TAF1: variants seen among roughly 807,000 people sequenced by gnomAD.
The protein encoded by TAF1 is TATA-box binding protein associated factor 1.
TAF1 carries 2 observed loss-of-function variants against 138.5 expected under a neutral mutation model. The observed-to-expected ratio is 0.01, with a 90% confidence interval of 0.01 to 0.05. The LOEUF (loss-of-function observed/expected upper bound fraction) is 0.05. Among genes scored for constraint, TAF1 ranks in the 10% least tolerant of loss-of-function variants. TAF1 has a pLI of 1.00. For missense variants in TAF1, 709 were observed against 1,478.0 expected (o/e 0.48, Z 8.53); for synonymous variants, 437 against 503.2 (o/e 0.87, Z 1.76).
At chrX:71,454,966 C>A in intron 34 of TAF1, 109 bp downstream of exon 34, 1 of 1,175,894 alleles carries the variant, frequency 8.5e-7, no homozygotes, top group Non-Finnish European at 1.1e-6. Context: ...TCTGTCCTTC[C>A]TCTTCATATG....
intron 32 of TAF1, among the ~76,000 whole-genome samples, chrX:71,452,365 CT>C (rs1305979399): frequency 1.8e-5 from 2 of 109,934 alleles, no homozygotes; most frequent in Non-Finnish European, 3.8e-5. Flanking sequence ...GGCAGAGACG[CT>C]CCTCACCTCC....
At chrX:71,456,104 C>G (rs982185468) in intron 34 of TAF1, among the ~76,000 whole-genome samples, 1 of 111,685 alleles carries the variant, frequency 9.0e-6, no homozygotes, top group Non-Finnish European at 1.9e-5. Context: ...ACAGCTTCCA[C>G]AAGGTACTTT....
chrX:71,452,344 CG>C (rs2038036774), intron 32 of TAF1, among the ~76,000 whole-genome samples: 1 of 106,697 alleles, frequency 9.4e-6, no homozygotes, highest in African/African-American at 3.4e-5. Flanking sequence ...ACTTCTCAGA[CG>C]GGGCAGCCGG....
At chrX:71,456,701 G>GTTT (rs2038316350) in intron 34 of TAF1, among the ~76,000 whole-genome samples, 8 of 44,320 alleles carry the variant, frequency 1.8e-4, no homozygotes, top group African/African-American at 3.1e-4. Context: ...TTGAGACCGA[G>GTTT]TTTTGCTCTT....
chrX:71,500,799 AT>A lies in TAF1; in HGVS notation c.1367-27742del, dbSNP rs752093313. 4.5e-5 allele frequency among the ~76,000 whole-genome samples: 5 copies of A among 110,501 alleles called. No individual in the cohort carries two copies. In the Admixed American group the frequency reaches 4.8e-4, roughly 11 times the overall value. ...CCCAAAAGGCTGGGCGCGGTGGCTCATGCCTCTAATCCCAGCACTTTGGGAG... is the reference window on the plus strand; with the variant it reads ...CCCAAAAGGCTGGGCGCGGTGGCTCAGCCTCTAATCCCAGCACTTTGGGAG... On this transcript the variant is annotated intron_variant and NMD_transcript_variant, in intron 13 of 14. Coordinates refer to the TAF1 transcript ENST00000373775.
At chrX:71,432,743 A>G (rs2036952484) in intron 32 of TAF1, among the ~76,000 whole-genome samples, 1 of 111,856 alleles carries the variant, frequency 8.9e-6, no homozygotes, top group Admixed American at 9.5e-5. Flanking sequence ...TTGTGACTAT[A>G]TAGTCTCCAG....
intron 13 of TAF1, among the ~76,000 whole-genome samples, chrX:71,524,736 T>A (rs1033514017): frequency 2.8e-5 from 3 of 109,029 alleles, no homozygotes; most frequent in South Asian, 4.0e-4. Context: ...AGGTCAGGAA[T>A]TCAAGACCAG....
intron 20 of TAF1, 120 bp downstream of exon 20, chrX:71,393,114 T>C (rs1358836258): frequency 1.9e-6 from 2 of 1,074,105 alleles, no homozygotes; most frequent in African/African-American, 1.9e-5. Context: ...GTAAGCTAAG[T>C]CTTAGATATT....
rs370264521 is a variant in TAF1, at chrX:71,393,378, G to T, written c.3129G>T (p.Gly1043=). 3.3e-6 allele frequency: 4 copies of T among 1,210,447 alleles called. No individual in the cohort carries two copies. The highest frequency in any genetic ancestry group is 3.5e-5 in the South Asian group (2 of 56,819). ...MSTEQARSGE[G]PMSKFARGSR... is the part of the protein sequence containing the mutation. ...CAGAACAGGCTCGTTCTGGAGAGGG[G>T]CCCATGAGTAAATTTGCCCGTGGAT... The change falls in exon 21 of 38, where the codon GGG becomes GGT. Residue 1043 remains glycine, a synonymous_variant. Transcript: ENST00000423759.
chrX:71,407,185 G>A (rs764976364), intron 26 of TAF1, among the ~76,000 whole-genome samples: 1 of 107,615 alleles, frequency 9.3e-6, no homozygotes, highest in Admixed American at 1.0e-4. Context: ...CAAAGTGCTG[G>A]GATTACAGTG....
chrX:71,421,463 A>C, intron 29 of TAF1, 87 bp downstream of exon 29: 1 of 821,522 alleles, frequency 1.2e-6, no homozygotes. Flanking sequence ...ATTTAACAGA[A>C]GGAAAAATAT....
intron 14 of TAF1, among the ~76,000 whole-genome samples, chrX:71,386,223 C>A (rs1355916531): frequency 9.1e-6 from 1 of 110,255 alleles, no homozygotes; most frequent in African/African-American, 3.3e-5. Flanking sequence ...GCCTATATTT[C>A]ACATGTAGAA....
chrX:71,447,788 C>T lies in TAF1; in HGVS notation c.4754-6382C>T, dbSNP rs768637788. 9.9e-4 allele frequency among the ~76,000 whole-genome samples: 109 copies of T among 110,067 alleles called. 1 individual carries two copies. In the Middle Eastern group the frequency reaches 0.019, roughly 19 times the overall value. ...TTGCGTTTCTTCTCACATCACCATA[C>T]AGAAGGAAATTAACTTATAAACCAG... On this transcript the variant is annotated intron_variant, in intron 32 of 37. Transcript: ENST00000423759.
intron 28 of TAF1, among the ~76,000 whole-genome samples, chrX:71,412,521 C>T (rs1602589001): frequency 8.9e-6 from 1 of 112,211 alleles, no homozygotes; most frequent in South Asian, 3.7e-4. Flanking sequence ...ATAATTTTGG[C>T]TAATGCAAAT....
At chrX:71,442,930 C>T (rs1020929714) in intron 32 of TAF1, among the ~76,000 whole-genome samples, 3 of 111,922 alleles carry the variant, frequency 2.7e-5, no homozygotes, top group African/African-American at 9.7e-5. Flanking sequence ...ATCCTTTCCC[C>T]ATTTCTTGTT....
intron 13 of TAF1, among the ~76,000 whole-genome samples, chrX:71,496,327 G>C (rs1245646618): frequency 8.9e-6 from 1 of 112,056 alleles, no homozygotes; most frequent in East Asian, 2.8e-4. Flanking sequence ...CAGTGCTTTC[G>C]GGCTACACTC....
At chrX:71,489,080 A>C (rs1465541254) in intron 13 of TAF1, among the ~76,000 whole-genome samples, 8 of 109,005 alleles carry the variant, frequency 7.3e-5, no homozygotes, top group African/African-American at 1.7e-4. Flanking sequence ...AAAAAAAAAA[A>C]ACACACACAA....
chrX:71,498,019 T>G (rs1420918860), intron 13 of TAF1, among the ~76,000 whole-genome samples: 1 of 111,718 alleles, frequency 9.0e-6, no homozygotes, highest in Non-Finnish European at 1.9e-5. Context: ...CTTGTACCCT[T>G]GATTAGCTAG....
In TAF1 at chrX:71,495,419, T is replaced by C. The variant is rs1429394884; in HGVS notation, c.1367-33123T>C. On this transcript the variant is annotated intron_variant and NMD_transcript_variant, in intron 13 of 14. Transcript: ENST00000373775. ...TGGGACCTAGAAAGGGGAGAAGCCA[T>C]GTCGCCCAATTCCAGAGGTTGGTAT... Among the ~76,000 whole-genome samples the C allele has an allele frequency of 4.5e-5, 5 of 111,879 alleles. No homozygotes were observed. In the South Asian group the frequency reaches 1.9e-3, roughly 42 times the overall value.
Sources: gnomAD v4.1 joint callset for allele counts (sites outside exome capture counted in the v4.1 genomes callset) on GRCh38, gnomAD v4.1.1 for gene constraint, MANE v1.5 for transcripts, NCBI Gene and HGNC (gene_info 2026-07-23, HGNC 2026-07-21) for gene names.